RORA: variants seen among roughly 807,000 people sequenced by gnomAD.
RORA encodes the protein nuclear receptor ROR-alpha.
Under a neutral mutation model 69.5 loss-of-function variants are expected in RORA, and 7 were observed. That is an observed-to-expected ratio of 0.10 (90% CI 0.06 to 0.19). The LOEUF is 0.19. Ranked by LOEUF, RORA falls within the 10% of genes least tolerant of loss-of-function variation. The pLI is 1.00. For synonymous variants in RORA, 261 were observed against 240.8 expected, an observed-to-expected ratio of 1.08 and a Z score of -0.78; for missense variants, 457 against 663.0, an observed-to-expected ratio of 0.69 and a Z score of 3.41.
At chr15:61,046,498 A>T (rs1224080967) in intron 1 of RORA, among the ~76,000 whole-genome samples, 3 of 152,184 alleles carry the variant, frequency 2.0e-5, no homozygotes, top group Non-Finnish European at 2.9e-5. Flanking sequence ...TGCTGCCACC[A>T]TGCTGGAGCA....
At chr15:61,036,337 A>G (rs966582641) in intron 1 of RORA, among the ~76,000 whole-genome samples, 5 of 152,166 alleles carry the variant, frequency 3.3e-5, no homozygotes, top group African/African-American at 1.2e-4. Flanking sequence ...CCTTGTTGCT[A>G]TTAGATTGCT....
At chr15:60,944,432 C>T (rs138338191) in intron 1 of RORA, among the ~76,000 whole-genome samples, 206 of 152,072 alleles carry the variant, frequency 1.4e-3, no homozygotes, top group African/African-American at 4.6e-3. Flanking sequence ...ATAAGCAGCA[C>T]GGAGCGAGAT....
At chr15:61,043,115 A>T (rs949224271) in intron 1 of RORA, among the ~76,000 whole-genome samples, 1 of 152,238 alleles carries the variant, frequency 6.6e-6, no homozygotes, top group African/African-American at 2.4e-5. Flanking sequence ...ATCTCATCTA[A>T]TGCTATCTCA....
At chr15:60,517,299 C>T (rs1226062478) in intron 3 of RORA, among the ~76,000 whole-genome samples, 1 of 151,942 alleles carries the variant, frequency 6.6e-6, no homozygotes, top group East Asian at 1.9e-4. Flanking sequence ...TGACTTCTCA[C>T]TCCTCTTGCT....
chr15:61,094,571 A>C (rs2078761510), intron 1 of RORA, among the ~76,000 whole-genome samples: 1 of 152,268 alleles, frequency 6.6e-6, no homozygotes, highest in Non-Finnish European at 1.5e-5. Flanking sequence ...AGATGTGGTA[A>C]GGTCCAAAAA....
chr15:60,915,044 T>C (rs949937575), intron 1 of RORA, among the ~76,000 whole-genome samples: 2 of 152,198 alleles, frequency 1.3e-5, no homozygotes, highest in African/African-American at 4.8e-5. Flanking sequence ...AGAGACTATC[T>C]ATCATACCCA....
intron 1 of RORA, among the ~76,000 whole-genome samples, chr15:61,151,158 A>T (rs572276779): frequency 3.3e-5 from 5 of 152,328 alleles, no homozygotes; most frequent in African/African-American, 9.6e-5. Context: ...CTACCAATTG[A>T]TAGTACATGA....
At chr15:60,657,487 A>G (rs138850026) in intron 2 of RORA, among the ~76,000 whole-genome samples, 3,206 of 152,270 alleles carry the variant, frequency 0.021, 118 homozygotes, top group African/African-American at 0.073. Context: ...GTTACTCCCC[A>G]GTCAGATTAT....
intron 2 of RORA, among the ~76,000 whole-genome samples, chr15:60,670,704 A>C (rs1320164283): frequency 1.3e-5 from 2 of 152,204 alleles, no homozygotes; most frequent in African/African-American, 4.8e-5. Flanking sequence ...TTTGGCAGTC[A>C]AAGGAAAATA....
At chr15:61,198,192 T>C (rs934149702) in intron 1 of RORA, among the ~76,000 whole-genome samples, 2 of 152,168 alleles carry the variant, frequency 1.3e-5, no homozygotes, top group African/African-American at 4.8e-5. Context: ...AAACAATCCA[T>C]GATGAGCAAA....
At chr15:61,174,754 G>A (rs751826143) in intron 1 of RORA, among the ~76,000 whole-genome samples, 7 of 152,148 alleles carry the variant, frequency 4.6e-5, no homozygotes, top group Non-Finnish European at 8.8e-5. Context: ...TGTTCCGTAG[G>A]GAAAGAGAAT....
At chr15:60,721,252 G>A (rs185231891) in intron 1 of RORA, among the ~76,000 whole-genome samples, 5 of 152,152 alleles carry the variant, frequency 3.3e-5, no homozygotes, top group Non-Finnish European at 7.4e-5. Flanking sequence ...ATTGCCGGGC[G>A]GGGAGAGCAG....
At chr15:60,975,713 A>G (rs1052606269) in intron 1 of RORA, among the ~76,000 whole-genome samples, 2 of 152,190 alleles carry the variant, frequency 1.3e-5, no homozygotes, top group Admixed American at 6.5e-5. Context: ...GAGGATGAAG[A>G]GTGAATGAAT....
At chr15:60,835,717 C>T (rs1203945603) in intron 1 of RORA, among the ~76,000 whole-genome samples, 1 of 152,214 alleles carries the variant, frequency 6.6e-6, no homozygotes, top group Non-Finnish European at 1.5e-5. Flanking sequence ...CCAAACTCCT[C>T]AGTAGCTTAT....
intron 1 of RORA, among the ~76,000 whole-genome samples, chr15:60,835,477 C>A (rs1182917465): frequency 6.6e-6 from 1 of 152,180 alleles, no homozygotes; most frequent in South Asian, 2.1e-4. Flanking sequence ...CTCTGATTGG[C>A]CTTCCAGAGC....
intron 1 of RORA, among the ~76,000 whole-genome samples, chr15:60,972,377 C>T (rs1015704785): frequency 1.3e-5 from 2 of 152,186 alleles, no homozygotes; most frequent in Non-Finnish European, 2.9e-5. Context: ...GTGTAGCTCA[C>T]GAAGCACTCC....
intron 1 of RORA, among the ~76,000 whole-genome samples, chr15:61,057,586 C>G (rs985135604): frequency 6.6e-6 from 1 of 152,210 alleles, no homozygotes; most frequent in Non-Finnish European, 1.5e-5. Context: ...AAGGTACCAT[C>G]TTTCTTGCAC....
intron 1 of RORA, among the ~76,000 whole-genome samples, chr15:60,954,644 AC>A (rs1465335075): frequency 6.6e-6 from 1 of 152,168 alleles, no homozygotes; most frequent in Non-Finnish European, 1.5e-5. Context: ...GTTGCCAAAA[AC>A]TTCAAGGGCA....
At chr15:61,223,197 C>T (rs575918293) in intron 1 of RORA, among the ~76,000 whole-genome samples, 2 of 151,636 alleles carry the variant, frequency 1.3e-5, no homozygotes, top group Non-Finnish European at 2.9e-5. Context: ...ACCTGTAGTC[C>T]CAGTTCCCTG....
Sources: gnomAD v4.1 joint callset for allele counts (sites outside exome capture counted in the v4.1 genomes callset) on GRCh38, gnomAD v4.1.1 for gene constraint, MANE v1.5 for transcripts, NCBI Gene and HGNC (gene_info 2026-07-23, HGNC 2026-07-21) for gene names.